COL25A1: variants seen among roughly 807,000 people sequenced by gnomAD.
COL25A1 encodes the protein collagen alpha-1(XXV) chain.
Under a neutral mutation model 128.4 loss-of-function variants are expected in COL25A1, and 103 were observed. The ratio of observed to expected loss-of-function variants is 0.80; its 90% CI spans 0.68 to 0.94. The LOEUF (loss-of-function observed/expected upper bound fraction) is 0.94, where lower values mean the gene tolerates loss of function less well. Ranked by LOEUF, COL25A1 falls within the 40% of genes least tolerant of loss-of-function variation. The pLI is 0.00. For missense variants in COL25A1, 745 were observed against 840.0 expected, an observed-to-expected ratio of 0.89 and a Z score of 1.40; for synonymous variants, 279 against 277.2, an observed-to-expected ratio of 1.01 and a Z score of -0.06.
At chr4:108,929,117 T>TTTTTG (rs151049059) in intron 11 of COL25A1, among the ~76,000 whole-genome samples, 30 of 151,980 alleles carry the variant, frequency 2.0e-4, no homozygotes, top group Non-Finnish European at 2.1e-4. Flanking sequence ...GGTTGTTTCT[T>TTTTTG]TTTTGTTTTG....
intron 3 of COL25A1, among the ~76,000 whole-genome samples, chr4:109,270,217 C>T (rs1452429476): frequency 1.3e-5 from 2 of 151,944 alleles, no homozygotes; most frequent in East Asian, 3.9e-4. Context: ...AAGTTCTGGC[C>T]AGGGCAATTA....
intron 22 of COL25A1, among the ~76,000 whole-genome samples, chr4:108,861,497 G>C (rs1737219824): frequency 3.3e-5 from 5 of 152,168 alleles, no homozygotes; most frequent in Non-Finnish European, 7.4e-5. Flanking sequence ...TTCATCTGTA[G>C]GTATAGGCAT....
chr4:108,881,118 T>C lies in COL25A1; in HGVS notation c.1020+3060A>G, dbSNP rs1740066599. ...GTCTTCCATATGGTAAGAGGACTTTTGGATACTTCTGCAGGAAGCTTAAGA... is the reference window on the plus strand; with the variant it reads ...GTCTTCCATATGGTAAGAGGACTTTCGGATACTTCTGCAGGAAGCTTAAGA... On this transcript the variant is annotated intron_variant, in intron 19 of 37. Transcript: ENST00000399132. Among the ~76,000 whole-genome samples the C allele has an allele frequency of 4.6e-5, 7 of 152,334 alleles. No homozygotes were observed. In the South Asian group the frequency reaches 1.5e-3, roughly 32 times the overall value.
intron 3 of COL25A1, among the ~76,000 whole-genome samples, chr4:109,178,574 C>A (rs1347891260): frequency 6.6e-6 from 1 of 152,018 alleles, no homozygotes; most frequent in Non-Finnish European, 1.5e-5. Context: ...CCTGTAATCC[C>A]AGCACTTTCG....
At chr4:109,199,871 TG>T (rs1776415717) in intron 3 of COL25A1, among the ~76,000 whole-genome samples, 2 of 152,200 alleles carry the variant, frequency 1.3e-5, no homozygotes, top group Non-Finnish European at 2.9e-5. Flanking sequence ...TCTCCTAGCC[TG>T]GGTACTAGAG....
intron 5 of COL25A1, among the ~76,000 whole-genome samples, chr4:109,021,244 A>G (rs6832524): frequency 0.12 from 18,284 of 152,312 alleles, 1,214 homozygotes; most frequent in African/African-American, 0.18. Flanking sequence ...GAAACTCAAG[A>G]TAACTGCCCA....
intron 3 of COL25A1, among the ~76,000 whole-genome samples, chr4:109,130,472 G>A (rs1769084550): frequency 6.6e-6 from 1 of 152,144 alleles, no homozygotes; most frequent in Non-Finnish European, 1.5e-5. Flanking sequence ...TAGGAATATA[G>A]AATGGAGCGA....
At position 109,170,571 on chromosome 4, in the gene COL25A1, CA is replaced by C. The variant is rs143090439; in HGVS notation, c.368-120393del. Among the ~76,000 whole-genome samples the C allele has an allele frequency of 6.6e-3, 1,011 of 152,220 alleles. 46 individuals carry two copies. In the South Asian group the frequency reaches 0.11, roughly 17 times the overall value. On this transcript the variant is annotated intron_variant, in intron 3 of 37. Coordinates refer to ENST00000399132, the MANE Select transcript of COL25A1 (RefSeq NM_198721.4). ...AATCTGAACTTATTCTAACTCAATT[CA>C]GAGTACACGTGCCCATTGTATGCCC...
rs773426930 is a variant in COL25A1 at position 108,863,367 on chromosome 4, C to T, written c.1104G>A (p.Gly368=). The T allele has an allele frequency of 9.9e-6, 16 of 1,613,780 alleles. No individual in the cohort carries two copies. The highest frequency in any genetic ancestry group is 1.3e-5 in the Non-Finnish European group (15 of 1,179,960). ...CCCCTCGCTCACCTCTTCCAGGAGG[C>T]CCTGCTTCCCCCCGTTCACCCTGTC... is the stretch of plus-strand genomic sequence containing the variant. ...PGTKGERGEA[G]PPGRGERGEP... is the part of the protein sequence containing the mutation. The change falls in exon 21 of 38, where the codon GGG becomes GGA. Residue 368 remains glycine, a synonymous_variant. Coordinates refer to ENST00000399132, the MANE Select transcript of COL25A1 (RefSeq NM_198721.4).
chr4:109,295,207 G>A (rs1459049780), intron 3 of COL25A1, among the ~76,000 whole-genome samples: 1 of 152,088 alleles, frequency 6.6e-6, no homozygotes, highest in Admixed American at 6.6e-5. Context: ...AAAACTTGTA[G>A]ACAAGAGAAG....
At chr4:109,239,582 C>T (rs1446228431) in intron 3 of COL25A1, among the ~76,000 whole-genome samples, 3 of 151,336 alleles carry the variant, frequency 2.0e-5, no homozygotes, top group Non-Finnish European at 1.5e-5. Flanking sequence ...GTATAAGTCA[C>T]TTACCATGAA....
At chr4:109,101,430 G>A (rs964129151) in intron 3 of COL25A1, among the ~76,000 whole-genome samples, 2 of 152,174 alleles carry the variant, frequency 1.3e-5, no homozygotes, top group African/African-American at 2.4e-5. Flanking sequence ...AGCCTATCTG[G>A]CCTTGTGGAA....
intron 17 of COL25A1, 23 bp downstream of exon 17, chr4:108,889,678 A>G (rs201389680): frequency 2.5e-6 from 4 of 1,611,230 alleles, no homozygotes; most frequent in Admixed American, 1.7e-5. Flanking sequence ...CTGGAGTACA[A>G]ATACTTGCAA....
chr4:108,995,329 C>T lies in COL25A1; in HGVS notation c.438+15029G>A, dbSNP rs190782000. 2.1e-3 allele frequency among the ~76,000 whole-genome samples: 314 copies of T among 152,208 alleles called. 1 individual carries two copies. The highest frequency in any genetic ancestry group is 7.4e-3 in the African/African-American group (307 of 41,540). On this transcript the variant is annotated intron_variant, in intron 6 of 37. Transcript: ENST00000399132. ...AAGAACTTCGTGACACGTGCACAAG[C>T]TTCAATAGTCGATTCAATCAAGTGG...
At chr4:109,210,736 T>C (rs1777427312) in intron 3 of COL25A1, among the ~76,000 whole-genome samples, 1 of 152,084 alleles carries the variant, frequency 6.6e-6, no homozygotes. Context: ...GATGCCAACA[T>C]CACTCCATGT....
At chr4:109,068,208 A>G (rs143389860) in intron 3 of COL25A1, among the ~76,000 whole-genome samples, 1 of 152,302 alleles carries the variant, frequency 6.6e-6, no homozygotes, top group East Asian at 1.9e-4. Context: ...CTTTTATCAA[A>G]GTCTTCCTAA....
chr4:108,850,511 G>C (rs191659519), intron 26 of COL25A1, among the ~76,000 whole-genome samples: 233 of 152,182 alleles, frequency 1.5e-3, no homozygotes, highest in African/African-American at 5.4e-3. Context: ...GGATGGCAAG[G>C]GTAGGAGGTA....
chr4:109,050,304 G>GAT (rs1298559875), intron 3 of COL25A1, 125 bp from the exon 4 acceptor site: 1 of 673,200 alleles, frequency 1.5e-6, no homozygotes, highest in Non-Finnish European at 2.5e-6. Context: ...AAAGGGATCA[G>GAT]ATATTTGTAA....
rs1198000094 is a variant in COL25A1 at position 109,112,976 on chromosome 4, G to A, written c.368-62797C>T. On this transcript the variant is annotated intron_variant, in intron 3 of 37. Coordinates refer to ENST00000399132, the MANE Select transcript of COL25A1 (RefSeq NM_198721.4). ...CAACTAAAGACCCCTGAACAGTCAA[G>A]TTTAACTCTGATTGATAAGGGGGAA... Among the ~76,000 whole-genome samples the A allele has an allele frequency of 3.3e-5, 5 of 152,218 alleles. No homozygotes were observed. The East Asian group carries it at 9.7e-4, about 29-fold the overall frequency.
Sources: allele counts gnomAD v4.1 joint callset (sites outside exome capture counted in the v4.1 genomes callset), GRCh38; gene constraint gnomAD v4.1.1; transcripts MANE v1.5; gene names NCBI Gene and HGNC (gene_info 2026-07-23, HGNC 2026-07-21).